NRXN3: variants seen among roughly 807,000 people sequenced by gnomAD.
NRXN3 encodes neurexin III.
NRXN3 carries 32 observed loss-of-function variants against 137.6 expected under a neutral mutation model. That is an observed-to-expected ratio of 0.23 (90% CI 0.18 to 0.31). The LOEUF is 0.31. NRXN3 is among the 10% of genes least tolerant of loss of function. The pLI, the probability that NRXN3 is intolerant of heterozygous loss-of-function variation, is 1.00. For missense variants in NRXN3, 1,574 were observed against 2,062.5 expected (o/e 0.76, Z 4.59); for synonymous variants, 798 against 784.5 (o/e 1.02, Z -0.29).
intron 1 of NRXN3, among the ~76,000 whole-genome samples, chr14:78,184,005 C>T (rs1380191874): frequency 6.6e-6 from 1 of 152,060 alleles, no homozygotes; most frequent in Non-Finnish European, 1.5e-5. Flanking sequence ...ATTTATTTTA[C>T]AACAATTAAC....
chr14:78,884,360 C>T (rs1012861274), intron 10 of NRXN3, among the ~76,000 whole-genome samples: 1 of 152,116 alleles, frequency 6.6e-6, no homozygotes, highest in South Asian at 2.1e-4. Context: ...ATAGCAATTA[C>T]CACCAACAAA....
intron 20 of NRXN3, among the ~76,000 whole-genome samples, chr14:79,853,327 T>C (rs2099395843): frequency 6.6e-6 from 1 of 152,198 alleles, no homozygotes; most frequent in Non-Finnish European, 1.5e-5. Flanking sequence ...ATTTTATGTA[T>C]TTTGGCTATT....
At chr14:79,625,827 T>A (rs2098275977) in intron 16 of NRXN3, among the ~76,000 whole-genome samples, 1 of 152,162 alleles carries the variant, frequency 6.6e-6, no homozygotes, top group Non-Finnish European at 1.5e-5. Flanking sequence ...AGTGTAGCAG[T>A]TAAGAACTCA....
chr14:79,024,111 T>C (rs960723824), intron 15 of NRXN3, among the ~76,000 whole-genome samples: 1 of 152,082 alleles, frequency 6.6e-6, no homozygotes, highest in Non-Finnish European at 1.5e-5. Context: ...TGGCATATCA[T>C]TCATGTTCAA....
chr14:78,740,915 T>C (rs2098566224), intron 8 of NRXN3, among the ~76,000 whole-genome samples: 1 of 152,200 alleles, frequency 6.6e-6, no homozygotes, highest in African/African-American at 2.4e-5. Context: ...AATAAAACAA[T>C]GTATTTAAAA....
chr14:78,582,971 C>G (rs143445604), intron 4 of NRXN3, among the ~76,000 whole-genome samples: 339 of 152,282 alleles, frequency 2.2e-3, no homozygotes, highest in African/African-American at 7.6e-3. Flanking sequence ...TGTTTCACCC[C>G]TTTTTGCCTT....
chr14:79,190,896 A>G (rs1474911059), intron 15 of NRXN3, among the ~76,000 whole-genome samples: 2 of 152,186 alleles, frequency 1.3e-5, no homozygotes, highest in African/African-American at 4.8e-5. Flanking sequence ...CTCAGGATTT[A>G]CCCTTATAAA....
At chr14:79,209,553 G>A (rs2067325056) in intron 15 of NRXN3, among the ~76,000 whole-genome samples, 2 of 152,128 alleles carry the variant, frequency 1.3e-5, no homozygotes, top group Non-Finnish European at 2.9e-5. Context: ...TTTGAGAGAA[G>A]TTTTTCCTAT....
chr14:79,037,155 C>G (rs2099617457), intron 15 of NRXN3, among the ~76,000 whole-genome samples: 1 of 151,996 alleles, frequency 6.6e-6, no homozygotes, highest in Non-Finnish European at 1.5e-5. Flanking sequence ...TGTAAAACCC[C>G]CAGGAGATTC....
At chr14:79,406,566 G>A (rs2095317860) in intron 15 of NRXN3, among the ~76,000 whole-genome samples, 2 of 151,994 alleles carry the variant, frequency 1.3e-5, no homozygotes, top group South Asian at 2.1e-4. Flanking sequence ...GCCTCTTAAA[G>A]TGCTGGGATT....
chr14:79,652,880 T>G (rs540752181), intron 16 of NRXN3, among the ~76,000 whole-genome samples: 86 of 152,198 alleles, frequency 5.7e-4, no homozygotes, highest in Non-Finnish European at 1.1e-3. Flanking sequence ...AAAAAATTTT[T>G]GTTGCTTTTA....
intron 16 of NRXN3, among the ~76,000 whole-genome samples, chr14:79,559,104 T>C (rs1323833959): frequency 2.0e-5 from 3 of 152,192 alleles, no homozygotes; most frequent in African/African-American, 7.2e-5. Flanking sequence ...TTGGATATTC[T>C]GTCCAGACAA....
intron 15 of NRXN3, among the ~76,000 whole-genome samples, chr14:79,166,319 A>G (rs528877603): frequency 6.6e-6 from 1 of 151,876 alleles, no homozygotes; most frequent in East Asian, 1.9e-4. Context: ...AACCTAATTT[A>G]ATCACTGACA....
At chr14:79,345,540 T>C (rs755366457) in intron 15 of NRXN3, among the ~76,000 whole-genome samples, 6 of 152,108 alleles carry the variant, frequency 3.9e-5, no homozygotes, top group Non-Finnish European at 7.3e-5. Flanking sequence ...TGGGTACTTG[T>C]CCTCTCCAAA....
chr14:79,170,937 G>T (rs928779264), intron 15 of NRXN3, among the ~76,000 whole-genome samples: 1 of 152,008 alleles, frequency 6.6e-6, no homozygotes, highest in Non-Finnish European at 1.5e-5. Flanking sequence ...GGACTGTCAC[G>T]TCTCAAAATA....
At chr14:79,182,402 G>C (rs2063033184) in intron 15 of NRXN3, among the ~76,000 whole-genome samples, 1 of 151,622 alleles carries the variant, frequency 6.6e-6, no homozygotes, top group Admixed American at 6.6e-5. Context: ...CAACTAGATA[G>C]TCCCATATGG....
chr14:78,816,674 AAGT>A (rs1365708789), intron 10 of NRXN3, among the ~76,000 whole-genome samples: 1 of 152,194 alleles, frequency 6.6e-6, no homozygotes, highest in African/African-American at 2.4e-5. Flanking sequence ...AAATTCCTAA[AAGT>A]AGAACTGCTG....
chr14:78,220,909 A>G (rs2063788942), intron 1 of NRXN3, among the ~76,000 whole-genome samples: 1 of 152,088 alleles, frequency 6.6e-6, no homozygotes, highest in African/African-American at 2.4e-5. Context: ...CCCCTGTGGC[A>G]TCTGAATGAG....
intron 8 of NRXN3, among the ~76,000 whole-genome samples, chr14:78,734,253 A>ACACACC (rs1491505091): frequency 3.5e-5 from 4 of 113,580 alleles, no homozygotes; most frequent in South Asian, 2.9e-4. Flanking sequence ...ACACACACAC[A>ACACACC]CCCTTTTCAT....
Sources: allele counts gnomAD v4.1 joint callset (sites outside exome capture counted in the v4.1 genomes callset), GRCh38; gene constraint gnomAD v4.1.1; transcripts MANE v1.5; gene names NCBI Gene and HGNC (gene_info 2026-07-23, HGNC 2026-07-21).